GUCY1A2: variants seen among roughly 807,000 people sequenced by gnomAD.
GUCY1A2 encodes the protein guanylate cyclase soluble subunit alpha-2.
GUCY1A2 carries 27 observed loss-of-function variants against 63.5 expected under a neutral mutation model. That is an observed-to-expected ratio of 0.43 (90% CI 0.31 to 0.59). The LOEUF is 0.59. GUCY1A2 is among the 20% of genes least tolerant of loss of function. The pLI, the probability that GUCY1A2 is intolerant of heterozygous loss-of-function variation, is 0.11. For synonymous variants in GUCY1A2, 364 were observed against 343.5 expected (o/e 1.06, Z -0.66); for missense variants, 768 against 913.3 (o/e 0.84, Z 2.05).
At chr11:106,888,436 GC>G (rs1859929479) in intron 4 of GUCY1A2, among the ~76,000 whole-genome samples, 1 of 152,090 alleles carries the variant, frequency 6.6e-6, no homozygotes, top group Non-Finnish European at 1.5e-5. Context: ...CTGCACTCCA[GC>G]CTGGGCGACA....
chr11:106,977,032 C>A (rs186469539), intron 3 of GUCY1A2, among the ~76,000 whole-genome samples: 1 of 152,296 alleles, frequency 6.6e-6, no homozygotes, highest in Non-Finnish European at 1.5e-5. Flanking sequence ...TAATCATTAT[C>A]TTTGAACACC....
At chr11:106,752,668 T>C (rs1424082869) in intron 6 of GUCY1A2, among the ~76,000 whole-genome samples, 3 of 152,182 alleles carry the variant, frequency 2.0e-5, no homozygotes, top group South Asian at 4.1e-4. Context: ...GCTTCATCCA[T>C]GTCCCTGCAA....
At chr11:106,971,541 A>G (rs2120096983) in intron 3 of GUCY1A2, among the ~76,000 whole-genome samples, 1 of 152,232 alleles carries the variant, frequency 6.6e-6, no homozygotes, top group African/African-American at 2.4e-5. Flanking sequence ...GGCTAAAGGG[A>G]GTCAGGTTTC....
At chr11:106,927,871 CT>C (rs1244465620) in intron 4 of GUCY1A2, among the ~76,000 whole-genome samples, 2 of 152,106 alleles carry the variant, frequency 1.3e-5, no homozygotes, top group African/African-American at 4.8e-5. Flanking sequence ...CACGCCCGGC[CT>C]GGAATAAGTC....
At chr11:106,875,830 T>A (rs1197224199) in intron 4 of GUCY1A2, among the ~76,000 whole-genome samples, 1 of 152,250 alleles carries the variant, frequency 6.6e-6, no homozygotes, top group South Asian at 2.1e-4. Context: ...TTTTTATATC[T>A]ATGCTTTTTT....
chr11:106,744,144 G>A (rs190304846), intron 6 of GUCY1A2, among the ~76,000 whole-genome samples: 3 of 151,636 alleles, frequency 2.0e-5, no homozygotes, highest in African/African-American at 7.3e-5. Context: ...TAATTGAAAA[G>A]AGTACTGAAA....
chr11:106,842,618 T>A (rs1859215288), intron 4 of GUCY1A2, among the ~76,000 whole-genome samples: 1 of 152,006 alleles, frequency 6.6e-6, no homozygotes, highest in Non-Finnish European at 1.5e-5. Context: ...TCTCTATGAG[T>A]TAACTAGTCC....
chr11:106,959,446 A>G (rs760431463), intron 3 of GUCY1A2, among the ~76,000 whole-genome samples: 22 of 152,184 alleles, frequency 1.4e-4, no homozygotes, highest in South Asian at 2.1e-4. Context: ...CATAATGTTC[A>G]TGATATGCCC....
intron 5 of GUCY1A2, among the ~76,000 whole-genome samples, chr11:106,794,864 C>A (rs1864726370): frequency 6.6e-6 from 1 of 152,130 alleles, no homozygotes; most frequent in African/African-American, 2.4e-5. Context: ...AGGCATTCAA[C>A]TAATATCAGT....
intron 1 of GUCY1A2, among the ~76,000 whole-genome samples, chr11:107,013,622 A>T (rs1418467073): frequency 6.6e-6 from 1 of 152,158 alleles, no homozygotes; most frequent in Admixed American, 6.5e-5. Context: ...ATCTCAGCTC[A>T]TCACAACTTC....
In GUCY1A2 at chr11:106,677,102, G is replaced by C. The variant is rs956453005; in HGVS notation, c.*10447C>G. On this transcript the variant is annotated 3_prime_UTR_variant, in exon 8 of 8. Transcript: ENST00000526355. Reference sequence around the variant, plus strand: ...CAATCATGTGAAAGTGAAAAAGGGAGGCTCCAGCCCAAATAGTAAAGTACT... The same window carrying C: ...CAATCATGTGAAAGTGAAAAAGGGACGCTCCAGCCCAAATAGTAAAGTACT... 4 of 214,902 alleles carry C rather than the reference G, an allele frequency of 1.9e-5. No individual in the cohort carries two copies. The East Asian group carries it at 2.7e-4, about 15-fold the overall frequency. 13.3% of individuals were successfully genotyped at this position (214,902 alleles called of 1,614,324 possible).
intron 6 of GUCY1A2, among the ~76,000 whole-genome samples, chr11:106,753,687 G>A (rs1476961418): frequency 6.6e-6 from 1 of 152,102 alleles, no homozygotes; most frequent in Non-Finnish European, 1.5e-5. Flanking sequence ...TTATTTCTGA[G>A]GCCTCTGTTC....
At position 106,759,295 on chromosome 11, in the gene GUCY1A2, A is replaced by G. The variant is rs368389475; in HGVS notation, c.1836+17144T>C. Among the ~76,000 whole-genome samples, 9 of 152,308 alleles carry G rather than the reference A, an allele frequency of 5.9e-5. No homozygotes were observed. In the East Asian group the frequency reaches 7.7e-4, roughly 13 times the overall value. ...TAATGGGTATTTTATTACCATGATT[A>G]TGTAATTTTCACCAGTAATGTCCAT... On this transcript the variant is annotated intron_variant, in intron 6 of 7. Transcript: ENST00000526355.
At chr11:106,687,896 A>G in intron 7 of GUCY1A2, 140 bp from the exon 8 acceptor site, 1 of 613,300 alleles carries the variant, frequency 1.6e-6, no homozygotes. Flanking sequence ...TGTGGCCTTC[A>G]TCAGATTCCA....
chr11:106,727,718 A>T (rs750807209), intron 6 of GUCY1A2, among the ~76,000 whole-genome samples: 8 of 152,208 alleles, frequency 5.3e-5, no homozygotes, highest in Non-Finnish European at 1.2e-4. Context: ...GTACACTAAA[A>T]TCGCTTAGGA....
chr11:106,828,310 T>A (rs201797350), intron 4 of GUCY1A2, among the ~76,000 whole-genome samples: 5 of 146,134 alleles, frequency 3.4e-5, no homozygotes, highest in Non-Finnish European at 6.0e-5. Flanking sequence ...ATTTTTTTTT[T>A]AAGGATTTTT....
intron 6 of GUCY1A2, among the ~76,000 whole-genome samples, chr11:106,765,774 C>CA (rs1257363640): frequency 6.6e-6 from 1 of 152,038 alleles, no homozygotes; most frequent in Non-Finnish European, 1.5e-5. Flanking sequence ...GAACTATTTG[C>CA]ATATATTTTG....
intron 6 of GUCY1A2, among the ~76,000 whole-genome samples, chr11:106,745,559 T>C (rs989734828): frequency 6.6e-6 from 1 of 152,238 alleles, no homozygotes; most frequent in South Asian, 2.1e-4. Context: ...CTTGGCATGG[T>C]GTAAACACTG....
At chr11:106,769,803 C>A (rs558229756) in intron 6 of GUCY1A2, among the ~76,000 whole-genome samples, 2 of 152,046 alleles carry the variant, frequency 1.3e-5, no homozygotes, top group African/African-American at 2.4e-5. Flanking sequence ...AGTATCTTAA[C>A]AGTAATTTTA....
Sources: gnomAD v4.1 joint callset for allele counts (sites outside exome capture counted in the v4.1 genomes callset) on GRCh38, gnomAD v4.1.1 for gene constraint, MANE v1.5 for transcripts, NCBI Gene and HGNC (gene_info 2026-07-23, HGNC 2026-07-21) for gene names.